MPRIP: variants seen among roughly 807,000 people sequenced by gnomAD.
MPRIP encodes the protein myosin phosphatase Rho interacting protein.
Under a neutral mutation model 234.9 loss-of-function variants are expected in MPRIP, and 59 were observed. The observed-to-expected ratio is 0.25, with a 90% CI of 0.20 to 0.31. The LOEUF is 0.31. Ranked by LOEUF, MPRIP falls within the 10% of genes least tolerant of loss-of-function variation. MPRIP has a pLI of 1.00. For missense variants in MPRIP, 2,436 were observed against 3,071.0 expected (o/e 0.79, Z 4.89); for synonymous variants, 1,144 against 1,263.9 (o/e 0.91, Z 2.01).
At position 17,167,831 on chromosome 17, in the gene MPRIP, G is replaced by A. The variant is rs2046038069; in HGVS notation, c.6240G>A (p.Met2080Ile). Residue 2080 changes from methionine to isoleucine, a missense_variant, in exon 16 of 24, where the codon ATG becomes ATA. Physicochemically the swap from Met to Ile is conservative, Grantham distance 10. Coordinates refer to ENST00000651222, the MANE Select transcript of MPRIP (RefSeq NM_001364716.4). The surrounding 1 kb of genome is among the most constrained non-coding windows in gnomAD (Gnocchi z 5.9). ...AGCTGGAGGCCCAGATGGATGTCATGCGGGAGGAGCTGGGACACAAGGACC... is the reference window on the plus strand; with the variant it reads ...AGCTGGAGGCCCAGATGGATGTCATACGGGAGGAGCTGGGACACAAGGACC... ...IQELEAQMDV[M>I]REELGHKDLE... The A allele has an allele frequency of 7.7e-7, 1 of 1,304,172 alleles. No homozygotes were observed. The highest frequency in any genetic ancestry group is 5.5e-5 in the East Asian group (1 of 18,032). 80.8% of individuals were successfully genotyped at this position (1,304,172 alleles called of 1,614,324 possible). A position where few individuals can be genotyped will look rare whatever the true frequency, so the allele number is the denominator to read the frequency against.
chr17:17,139,292 G>A (rs2090766109), intron 7 of MPRIP, among the ~76,000 whole-genome samples: 1 of 152,244 alleles, frequency 6.6e-6, no homozygotes, highest in Non-Finnish European at 1.5e-5. Context: ...TGTATACTGA[G>A]GCTTTGCCTT....
rs1253885442 is a variant in MPRIP at position 17,166,174 on chromosome 17, G to T, written c.4583G>T (p.Gly1528Val). Residue 1528 changes from glycine (G) to valine (V), a missense_variant, in exon 16 of 24, where the codon GGC becomes GTC. Transcript: ENST00000651222. This position sits in a 1 kb window ranked among gnomAD's most constrained non-coding sequence, Gnocchi z 4.4. The stretch of plus-strand genomic sequence containing the variant: ...CAGCACTGGCCGGCCCCAGCCCATG[G>T]CGGGGCCCGTGCACAGCTGGAGACA... ...ALQHWPAPAH[G>V]GARAQLETGG... 4 of 1,302,684 alleles carry T rather than the reference G, an allele frequency of 3.1e-6. No individual in the cohort carries two copies. In the African/African-American group the frequency reaches 4.6e-5, roughly 15 times the overall value. 80.7% of individuals were successfully genotyped at this position (1,302,684 alleles called of 1,614,324 possible).
At chr17:17,092,214 C>T (rs1022441355) in intron 3 of MPRIP, among the ~76,000 whole-genome samples, 7 of 152,266 alleles carry the variant, frequency 4.6e-5, no homozygotes, top group Admixed American at 3.9e-4. Flanking sequence ...GCTAGAGCCA[C>T]AGGTGTCAGC....
At chr17:17,064,609 G>A (rs1319450487) in intron 1 of MPRIP, among the ~76,000 whole-genome samples, 1 of 152,152 alleles carries the variant, frequency 6.6e-6, no homozygotes, top group Admixed American at 6.5e-5. Context: ...CCATAAATCT[G>A]ACATTTCAAG....
At position 17,143,686 on chromosome 17, in the gene MPRIP, C is replaced by T. The variant is rs1431483900; in HGVS notation, c.1503+17C>T. 8 of 1,544,488 alleles carry T rather than the reference C, an allele frequency of 5.2e-6. No individual in the cohort carries two copies. The highest frequency in any genetic ancestry group is 7.1e-6 in the Non-Finnish European group (8 of 1,129,258). The stretch of plus-strand genomic sequence containing the variant: ...TCCGTGACGGTGAGCCCAGGCGCCG[C>T]GTCCTCCGGAGGCCGTGCTCCTCTG... On this transcript the variant is annotated intron_variant, in intron 9 of 23. Coordinates refer to ENST00000651222, the MANE Select transcript of MPRIP (RefSeq NM_001364716.4).
chr17:17,171,496 G>T, intron 16 of MPRIP: 1 of 549,974 alleles, frequency 1.8e-6, no homozygotes, highest in Non-Finnish European at 3.2e-6. Flanking sequence ...AAGAGGTAGA[G>T]TTGACTGGTA....
intron 3 of MPRIP, among the ~76,000 whole-genome samples, chr17:17,100,773 A>T (rs1422770326): frequency 1.3e-5 from 2 of 152,094 alleles, no homozygotes; most frequent in Admixed American, 6.6e-5. Context: ...TATGGTGAGT[A>T]TGTAATAATA....
Position 17,166,262 on chromosome 17 carries a change from A to G in MPRIP, c.4671A>G (p.Thr1557=). 1 of 1,304,278 alleles carries G rather than the reference A, an allele frequency of 7.7e-7. No individual in the cohort carries two copies. The highest frequency in any genetic ancestry group is 1.0e-6 in the Non-Finnish European group (1 of 988,954). The allele number at this position is 1,304,278 out of a possible 1,614,324, so 80.8% of individuals were successfully genotyped here. A position where few individuals can be genotyped will look rare whatever the true frequency, so the allele number is the denominator to read the frequency against. ...AGCAGTGCTCCCAGTCTGAGTTGAC[A>G]GAGCAGGAGCAGGTGAGGCTTCTTT... ...SLQQCSQSEL[T]EQEQVRLLSD... Residue 1557 remains threonine, a synonymous_variant, in exon 16 of 24, where the codon ACA becomes ACG. Coordinates refer to ENST00000651222, the MANE Select transcript of MPRIP (RefSeq NM_001364716.4). This position sits in a 1 kb window ranked among gnomAD's most constrained non-coding sequence, Gnocchi z 4.4.
At chr17:17,067,790 CTTTTTTTTTTTT>C (rs35187618) in intron 1 of MPRIP, among the ~76,000 whole-genome samples, 4 of 76,770 alleles carry the variant, frequency 5.2e-5, no homozygotes, top group South Asian at 1.1e-3. Context: ...CTTCTTCTTC[CTTTTTTTTTTTT>C]TTTTTTTTTT....
intron 7 of MPRIP, 53 bp from the exon 8 acceptor site, chr17:17,142,574 C>G (rs1226543336): frequency 6.3e-7 from 1 of 1,594,808 alleles, no homozygotes; most frequent in African/African-American, 1.3e-5. Flanking sequence ...GGCTCACTGC[C>G]ACCTCACAGC....
intron 23 of MPRIP, chr17:17,180,726 T>G: frequency 6.7e-7 from 1 of 1,491,234 alleles, no homozygotes; most frequent in Non-Finnish European, 9.4e-7. Flanking sequence ...GGCAAACGCC[T>G]GTGTCATGGT....
chr17:17,180,977 C>T (rs2046362830), intron 23 of MPRIP, among the ~76,000 whole-genome samples: 1 of 152,224 alleles, frequency 6.6e-6, no homozygotes, highest in Non-Finnish European at 1.5e-5. Flanking sequence ...TTGTCTTGCC[C>T]TCTGTCACGA....
At chr17:17,156,332 G>GA (rs2045729193) in intron 13 of MPRIP, among the ~76,000 whole-genome samples, 4 of 152,238 alleles carry the variant, frequency 2.6e-5, no homozygotes, top group Admixed American at 2.6e-4. Context: ...AAGTTGACCT[G>GA]GCAGTTGGCC....
chr17:17,126,809 G>T lies in MPRIP; in HGVS notation c.375G>T (p.Glu125Asp). ...QKFSLCILTP[E>D]KEHFIRAETK... ...TCTCCCTGTGTATTCTGACGCCTGA[G>T]AAGGAGCATTTCATCCGGGCGGAGA... Residue 125 changes from glutamate to aspartate, a missense_variant, in exon 4 of 24, where the codon GAG becomes GAT. By Grantham distance (45) the Glu-to-Asp change is conservative. Transcript: ENST00000651222. 6.2e-7 allele frequency: 1 copy of T among 1,614,216 alleles called. No individual in the cohort carries two copies. The highest frequency in any genetic ancestry group is 8.5e-7 in the Non-Finnish European group (1 of 1,180,030).
Position 17,138,147 on chromosome 17 carries a change from A to G in MPRIP, c.968A>G (p.His323Arg). The change falls in exon 7 of 24, where the codon CAC becomes CGC. Residue 323 changes from histidine (H) to arginine (R), a missense_variant. His to Arg is a conservative substitution (Grantham distance 29). This residue lies in a region of MPRIP where 267 missense variants were observed against 252.7 expected (regional missense o/e 1.06). Coordinates refer to ENST00000651222, the MANE Select transcript of MPRIP (RefSeq NM_001364716.4). The surrounding 1 kb of genome is among the most constrained non-coding windows in gnomAD (Gnocchi z 5.8). ...PLPSPGPRLPHQMVCSISLSS... is the reference protein window; with the variant it reads ...PLPSPGPRLPRQMVCSISLSS... ...CCTTCCCCAGGTCCTCGACTCCCCCACCAAATGGTCTGCAGCATCTCCCTC... is the reference window on the plus strand; with the variant it reads ...CCTTCCCCAGGTCCTCGACTCCCCCGCCAAATGGTCTGCAGCATCTCCCTC... The G allele has an allele frequency of 7.4e-7, 1 of 1,345,732 alleles. No homozygotes were observed. The highest frequency in any genetic ancestry group is 1.0e-6 in the Non-Finnish European group (1 of 987,784). The allele number at this position is 1,345,732 out of a possible 1,614,324, so 83.4% of individuals were successfully genotyped here.
intron 1 of MPRIP, chr17:17,057,766 C>CCTA (rs1273471779): frequency 2.8e-6 from 2 of 711,476 alleles, no homozygotes; most frequent in Non-Finnish European, 5.2e-6. Context: ...GCTGCCCCAT[C>CCTA]CTACACCCGA....
At chr17:17,182,121 A>G (rs766058399) in intron 23 of MPRIP, 2 of 152,240 alleles carry the variant, frequency 1.3e-5, no homozygotes, top group African/African-American at 2.4e-5. Flanking sequence ...ATTAGGAGGC[A>G]CAGGCATGGG....
chr17:17,151,026 T>TATTA (rs1361568956), intron 12 of MPRIP, among the ~76,000 whole-genome samples: 10 of 150,174 alleles, frequency 6.7e-5, no homozygotes, highest in African/African-American at 2.5e-4. Context: ...TTATTATTAT[T>TATTA]ATTATTATTA....
intron 3 of MPRIP, among the ~76,000 whole-genome samples, chr17:17,104,575 GTCCT>G (rs927571215): frequency 2.9e-4 from 44 of 152,224 alleles, no homozygotes; most frequent in African/African-American, 1.1e-3. Context: ...CCGTTTCTCC[GTCCT>G]TCCTTTTGTC....
Sources: gnomAD v4.1 joint callset for allele counts (sites outside exome capture counted in the v4.1 genomes callset) on GRCh38, gnomAD v4.1.1 for gene constraint, gnomAD v4.1.1 regional missense constraint, Gnocchi (gnomAD v3.1) non-coding constraint, MANE v1.5 for transcripts, NCBI Gene and HGNC (gene_info 2026-07-23, HGNC 2026-07-21) for gene names.